GALNT14: variants seen among roughly 807,000 people sequenced by gnomAD.
The protein encoded by GALNT14 is polypeptide N-acetylgalactosaminyltransferase 14, also known as UDP-GalNAc:polypeptide N-acetylgalactosaminyltransferase 14.
In GALNT14, 60 loss-of-function variants were observed where a neutral mutation model predicts 77.5. The observed-to-expected ratio is 0.77, with a 90% CI of 0.63 to 0.96. The LOEUF is 0.96. Among genes scored for constraint, GALNT14 ranks in the 40% least tolerant of loss-of-function variants. The pLI, the probability that GALNT14 is intolerant of heterozygous loss-of-function variation, is 0.00. For missense variants in GALNT14, 710 were observed against 731.0 expected, an observed-to-expected ratio of 0.97 and a Z score of 0.33; for synonymous variants, 280 against 281.7, an observed-to-expected ratio of 0.99 and a Z score of 0.06.
At chr2:31,099,191 G>A (rs1429599182) in intron 1 of GALNT14, among the ~76,000 whole-genome samples, 2 of 151,974 alleles carry the variant, frequency 1.3e-5, no homozygotes, top group African/African-American at 2.4e-5. Flanking sequence ...ATAGCTTTGA[G>A]TTTTGATGAG....
Position 30,911,005 on chromosome 2 carries a change from C to G in GALNT14, c.1555G>C (p.Asp519His), listed in dbSNP as rs150328877. 8 of 1,613,796 alleles carry G rather than the reference C, an allele frequency of 5.0e-6. No individual in the cohort carries two copies. The highest frequency in any genetic ancestry group is 6.8e-6 in the Non-Finnish European group (8 of 1,180,010). ...GTGCCATCACCGAACATATCTGTAT[C>G]GAGGCAGAGGTGGGATGCTATGTGC... ...IEHIASHLCL[D>H]TDMFGDGTEN... Residue 519 changes from aspartate (D) to histidine (H), a missense_variant, in exon 15 of 15, where the codon GAT (aspartate) becomes CAT (histidine). Coordinates refer to ENST00000349752, the MANE Select transcript of GALNT14 (RefSeq NM_024572.4).
At chr2:31,121,632 A>G (rs1008454786) in intron 1 of GALNT14, among the ~76,000 whole-genome samples, 2 of 151,964 alleles carry the variant, frequency 1.3e-5, no homozygotes, top group African/African-American at 4.8e-5. Flanking sequence ...GAGTCCTGCC[A>G]CCTTAGGAAG....
intron 1 of GALNT14, among the ~76,000 whole-genome samples, chr2:31,065,611 G>A (rs1299338163): frequency 1.3e-5 from 2 of 152,180 alleles, no homozygotes; most frequent in Admixed American, 6.5e-5. Context: ...TGCTGCTGCT[G>A]CACACCTTCC....
At chr2:31,054,081 A>C (rs1294840046) in intron 1 of GALNT14, among the ~76,000 whole-genome samples, 1 of 152,192 alleles carries the variant, frequency 6.6e-6, no homozygotes, top group Non-Finnish European at 1.5e-5. Context: ...TATCAGGGAG[A>C]GCAAGTCAGC....
chr2:31,123,113 C>T (rs1023357537), intron 1 of GALNT14, among the ~76,000 whole-genome samples: 34 of 134,628 alleles, frequency 2.5e-4, no homozygotes, highest in African/African-American at 9.0e-4. Context: ...ACTCAGGAGG[C>T]GGAGCTTGCA....
At chr2:31,125,008 CT>C (rs1678633123) in intron 1 of GALNT14, 1 of 621,952 alleles carries the variant, frequency 1.6e-6, no homozygotes. Flanking sequence ...TGGCCAGAGC[CT>C]CCTGCTGGAT....
intron 1 of GALNT14, among the ~76,000 whole-genome samples, chr2:31,043,461 T>C (rs1023608674): frequency 3.9e-5 from 6 of 152,210 alleles, no homozygotes; most frequent in African/African-American, 1.4e-4. Context: ...AGTTAATGAA[T>C]GAGTGAAGAA....
chr2:31,015,951 G>A (rs1023812438), intron 1 of GALNT14, among the ~76,000 whole-genome samples: 2 of 152,196 alleles, frequency 1.3e-5, no homozygotes, highest in African/African-American at 2.4e-5. Context: ...GAAGCAGGCT[G>A]AGGGGGCATG....
At chr2:30,932,283 G>A (rs878931558) in intron 9 of GALNT14, 89 bp from the exon 10 acceptor site, 12 of 1,262,102 alleles carry the variant, frequency 9.5e-6, no homozygotes, top group African/African-American at 6.2e-5. Flanking sequence ...TGAGGCCCCC[G>A]CAGAGGCGAA....
chr2:31,059,528 G>C (rs1674453051), intron 1 of GALNT14, among the ~76,000 whole-genome samples: 1 of 152,122 alleles, frequency 6.6e-6, no homozygotes, highest in Admixed American at 6.5e-5. Flanking sequence ...TTATGAATGA[G>C]ATTAGTGCCC....
At position 31,083,245 on chromosome 2, in the gene GALNT14, T is replaced by C. The variant is rs117056055; in HGVS notation, c.129+54713A>G. On this transcript the variant is annotated intron_variant, in intron 1 of 14. Coordinates refer to ENST00000349752, the MANE Select transcript of GALNT14 (RefSeq NM_024572.4). Reference sequence around the variant, plus strand: ...ACATGGCATGGGTTGGGTCAGAACCTGCAGATGGCCTTAAGTGCCTTTAGC... The same window carrying C: ...ACATGGCATGGGTTGGGTCAGAACCCGCAGATGGCCTTAAGTGCCTTTAGC... Among the ~76,000 whole-genome samples, 18 of 152,242 alleles carry C rather than the reference T, an allele frequency of 1.2e-4. 1 individual carries two copies. The East Asian group carries it at 3.3e-3, about 28-fold the overall frequency.
intron 1 of GALNT14, among the ~76,000 whole-genome samples, chr2:31,093,829 G>C (rs1417959136): frequency 6.6e-6 from 1 of 152,240 alleles, no homozygotes; most frequent in African/African-American, 2.4e-5. Context: ...TTGTGAGCAT[G>C]GAACAGTGGA....
intron 1 of GALNT14, among the ~76,000 whole-genome samples, chr2:31,022,873 T>C (rs1573182068): frequency 6.6e-6 from 1 of 152,206 alleles, no homozygotes; most frequent in African/African-American, 2.4e-5. Flanking sequence ...ATTCATTTAC[T>C]CCCCGCCTAT....
chr2:31,082,853 A>G (rs917577289), intron 1 of GALNT14, among the ~76,000 whole-genome samples: 1 of 152,102 alleles, frequency 6.6e-6, no homozygotes, highest in African/African-American at 2.4e-5. Flanking sequence ...CCCTGTCTCT[A>G]CTAAATATAC....
chr2:31,093,294 C>T (rs1676847144), intron 1 of GALNT14, among the ~76,000 whole-genome samples: 1 of 152,204 alleles, frequency 6.6e-6, no homozygotes, highest in African/African-American at 2.4e-5. Context: ...CCAAACTCTT[C>T]ATGAGGTCTG....
At chr2:30,904,449 G>A in the GALNT14 span, among the ~76,000 whole-genome samples, 8 of 152,182 alleles carry the variant, frequency 5.3e-5, no homozygotes, top group Non-Finnish European at 1.0e-4. Context: ...AAGGGGTGAC[G>A]GACGGCACCT....
At chr2:31,089,448 C>T (rs1422125538) in intron 1 of GALNT14, among the ~76,000 whole-genome samples, 1 of 152,116 alleles carries the variant, frequency 6.6e-6, no homozygotes, top group African/African-American at 2.4e-5. Flanking sequence ...TGACTTGGGC[C>T]ACAGAAAATC....
intron 2 of GALNT14, among the ~76,000 whole-genome samples, chr2:30,972,742 A>G (rs1241450854): frequency 1.3e-5 from 2 of 152,162 alleles, no homozygotes; most frequent in Non-Finnish European, 2.9e-5. Context: ...CTCTTGAATG[A>G]CCACCCGAAG....
chr2:31,075,216 T>C (rs1348874522), intron 1 of GALNT14, among the ~76,000 whole-genome samples: 1 of 152,214 alleles, frequency 6.6e-6, no homozygotes, highest in African/African-American at 2.4e-5. Context: ...TCTGCCATGA[T>C]TGGAAGTTTC....
Sources: allele counts gnomAD v4.1 joint callset (sites outside exome capture counted in the v4.1 genomes callset), GRCh38; gene constraint gnomAD v4.1.1; transcripts MANE v1.5; gene names NCBI Gene and HGNC (gene_info 2026-07-23, HGNC 2026-07-21).